Variants in GALC observed in about 807,000 individuals in gnomAD.
GALC encodes galactosylceramidase.
GALC carries 77 observed loss-of-function variants against 91.8 expected under a neutral mutation model. That is an observed-to-expected ratio of 0.84 (90% CI 0.70 to 1.01). The LOEUF (loss-of-function observed/expected upper bound fraction) is 1.01. Ranked by LOEUF, GALC falls within the 50% of genes least tolerant of loss-of-function variation. The pLI, the probability that GALC is intolerant of heterozygous loss-of-function variation, is 0.00. For synonymous variants in GALC, 357 were observed against 306.7 expected (o/e 1.16, Z -1.71); for missense variants, 882 against 855.9 (o/e 1.03, Z -0.38).
intron 10 of GALC, among the ~76,000 whole-genome samples, chr14:87,955,832 T>G (rs1157072381): frequency 1.3e-5 from 2 of 152,022 alleles, no homozygotes; most frequent in African/African-American, 4.8e-5. Context: ...GTTCTCTCAC[T>G]GTGATTGTAG....
chr14:87,980,438 T>C (rs924345290), intron 6 of GALC: 13 of 889,960 alleles, frequency 1.5e-5, no homozygotes, highest in Non-Finnish European at 1.6e-5. Context: ...TGGGGGTCAG[T>C]GCCCCCACTC....
chr14:87,971,802 G>A (rs909269831), intron 7 of GALC, among the ~76,000 whole-genome samples: 3 of 152,092 alleles, frequency 2.0e-5, no homozygotes, highest in Admixed American at 6.5e-5. Context: ...AACAATACAG[G>A]TTTAAGCAAT....
intron 10 of GALC, among the ~76,000 whole-genome samples, chr14:87,963,097 G>A (rs184574760): frequency 9.9e-5 from 15 of 152,224 alleles, no homozygotes; most frequent in African/African-American, 1.4e-4. Context: ...AGGGAAGGTC[G>A]TGAAGGTCGT....
At position 87,982,333 on chromosome 14, in the gene GALC, C is replaced by G; in HGVS notation, c.583-90G>C. The G allele has an allele frequency of 5.8e-6, 5 of 863,920 alleles. No individual in the cohort carries two copies. In the Admixed American group the frequency reaches 9.1e-5, roughly 16 times the overall value. The allele number at this position is 863,920 out of a possible 1,614,324, so 53.5% of individuals were successfully genotyped here. On this transcript the variant is annotated intron_variant, in intron 5 of 16. Coordinates refer to ENST00000261304, the MANE Select transcript of GALC (RefSeq NM_000153.4). ...GTTACGATACCATTTCTCTCATCAT[C>G]TTTCATATTATCTGATACGCCATTT...
At position 87,986,940 on chromosome 14, in the gene GALC, C is replaced by T. The variant is rs1050818534; in HGVS notation, c.329-338G>A. The T allele has an allele frequency of 9.2e-6, 4 of 436,752 alleles. No individual in the cohort carries two copies. In the East Asian group the frequency reaches 2.0e-4, roughly 21 times the overall value. 27.1% of individuals were successfully genotyped at this position (436,752 alleles called of 1,614,324 possible). On this transcript the variant is annotated intron_variant, in intron 3 of 16. Transcript: ENST00000261304. ...TTTGATCTCTCTGTAGTTTTCAAAT[C>T]CCCATGTCCAACTTTAAGTTCTGAT... is the stretch of plus-strand genomic sequence containing the variant.
At position 87,986,476 on chromosome 14, in the gene GALC, C is replaced by T. The variant is rs1313091615; in HGVS notation, c.442+13G>A. Reference sequence around the variant, plus strand: ...AAAGAGACTGAAGAAACATTGCAAACTTCATTTCTTACCAATGAGTGTAAT... The same window carrying T: ...AAAGAGACTGAAGAAACATTGCAAATTTCATTTCTTACCAATGAGTGTAAT... On this transcript the variant is annotated intron_variant, in intron 4 of 16. Transcript: ENST00000261304. 6.7e-7 allele frequency: 1 copy of T among 1,489,022 alleles called. No homozygotes were observed. 92.2% of individuals were successfully genotyped at this position (1,489,022 alleles called of 1,614,324 possible).
chr14:87,990,119 T>C (rs1403208352), intron 1 of GALC, among the ~76,000 whole-genome samples: 1 of 152,214 alleles, frequency 6.6e-6, no homozygotes, highest in Non-Finnish European at 1.5e-5. Flanking sequence ...GGTCCATATC[T>C]TTATTACAAC....
intron 1 of GALC, 80 bp downstream of exon 1, chr14:87,992,890 A>C (rs1567019068): frequency 5.6e-6 from 8 of 1,428,370 alleles, no homozygotes; most frequent in Non-Finnish European, 9.1e-7. Context: ...ACGCAGGGCA[A>C]CGCCGCGGGG....
intron 1 of GALC, chr14:87,992,455 ATTCT>A: frequency 6.5e-7 from 1 of 1,530,174 alleles, no homozygotes; most frequent in Non-Finnish European, 8.7e-7. Flanking sequence ...GGAGGAGCCC[ATTCT>A]TACCCTGCAC....
Position 87,986,595 on chromosome 14 carries a change from A to C in GALC, c.336T>G (p.Thr112=). 6.2e-7 allele frequency: 1 copy of C among 1,609,674 alleles called. No individual in the cohort carries two copies. Among genetic ancestry groups the C allele is most frequent in the South Asian group, 1.1e-5 (1 of 90,974 alleles). The change falls in exon 4 of 17, where the codon ACT becomes ACG. Residue 112 remains threonine (T), a synonymous_variant. Coordinates refer to ENST00000261304, the MANE Select transcript of GALC (RefSeq NM_000153.4). ...GTGCATAATGCATGTGGGAGGGCTC[A>C]GTGCCGTCTGAATAGAGGAGAGCAA... ...IGGDGQTTDG[T]EPSHMHYALD...
At chr14:87,978,960 A>T (rs1886627208) in intron 6 of GALC, among the ~76,000 whole-genome samples, 1 of 152,222 alleles carries the variant, frequency 6.6e-6, no homozygotes, top group Non-Finnish European at 1.5e-5. Flanking sequence ...TCCCATAAAG[A>T]ATATACATTC....
At chr14:87,955,210 A>AG in intron 10 of GALC, 1 of 1,114,558 alleles carries the variant, frequency 9.0e-7, no homozygotes, top group East Asian at 2.4e-5. Flanking sequence ...CTGAGGCCAG[A>AG]GGAAGAAATG....
chr14:87,941,721 T>G (rs1884863731), intron 14 of GALC, among the ~76,000 whole-genome samples, 163 bp from the exon 15 acceptor site: 1 of 152,026 alleles, frequency 6.6e-6, no homozygotes. Flanking sequence ...GAATCTTTAT[T>G]GACAACAGTT....
chr14:87,992,405 C>T, intron 1 of GALC: 1 of 1,535,618 alleles, frequency 6.5e-7, no homozygotes, highest in Non-Finnish European at 8.7e-7. Context: ...AGGCACCAGT[C>T]CTGCCTCCAA....
intron 7 of GALC, among the ~76,000 whole-genome samples, chr14:87,973,227 A>C (rs1886366955): frequency 6.6e-6 from 1 of 152,212 alleles, no homozygotes; most frequent in African/African-American, 2.4e-5. Flanking sequence ...ACATCAAGAA[A>C]TATTGTTTCC....
intron 12 of GALC, among the ~76,000 whole-genome samples, chr14:87,948,089 A>AT (rs1233314377): frequency 2.0e-5 from 3 of 152,012 alleles, no homozygotes; most frequent in African/African-American, 7.2e-5. Flanking sequence ...ATGCTTTATA[A>AT]TTTTAAACAA....
chr14:87,941,372 T>TAAAA (rs34752717), intron 15 of GALC, 23 bp downstream of exon 15: 14 of 1,276,324 alleles, frequency 1.1e-5, no homozygotes, highest in Admixed American at 3.8e-5. Context: ...CATATGCTAT[T>TAAAA]AAAAAAAAAA....
chr14:87,954,661 G>T, intron 10 of GALC: 1 of 1,573,604 alleles, frequency 6.4e-7, no homozygotes, highest in South Asian at 1.1e-5. Context: ...GTTCAGGAGT[G>T]GTTCTAATTA....
At chr14:87,962,604 CA>C (rs200227891) in intron 10 of GALC, among the ~76,000 whole-genome samples, 1 of 150,788 alleles carries the variant, frequency 6.6e-6, no homozygotes, top group Non-Finnish European at 1.5e-5. Context: ...CACACACACA[CA>C]CACACACACA....
Sources: gnomAD v4.1 joint callset for allele counts (sites outside exome capture counted in the v4.1 genomes callset) on GRCh38, gnomAD v4.1.1 for gene constraint, MANE v1.5 for transcripts, NCBI Gene and HGNC (gene_info 2026-07-23, HGNC 2026-07-21) for gene names.